PTPRN2: variants seen among roughly 807,000 people sequenced by gnomAD.
PTPRN2 encodes the protein receptor-type tyrosine-protein phosphatase N2.
A neutral mutation model predicts 118.8 loss-of-function variants in PTPRN2; 74 were observed. That is an observed-to-expected ratio of 0.62 (90% CI 0.52 to 0.76). The LOEUF is 0.76. Among genes scored for constraint, PTPRN2 ranks in the 30% least tolerant of loss-of-function variants. The pLI is 0.00. For synonymous variants in PTPRN2, 641 were observed against 608.0 expected (o/e 1.05, Z -0.80); for missense variants, 1,481 against 1,394.4 (o/e 1.06, Z -0.99).
chr7:157,835,533 C>T (rs945034703), intron 12 of PTPRN2, among the ~76,000 whole-genome samples: 2 of 152,124 alleles, frequency 1.3e-5, no homozygotes, highest in Admixed American at 6.5e-5. Context: ...GAAAGAGACT[C>T]GTCCTAAGGA....
chr7:158,062,176 C>T (rs1226279542), intron 11 of PTPRN2, among the ~76,000 whole-genome samples: 1 of 152,264 alleles, frequency 6.6e-6, no homozygotes, highest in East Asian at 1.9e-4. Context: ...CGCATCAGCT[C>T]ACAGCAGAGG....
At position 157,743,947 on chromosome 7, in the gene PTPRN2, C is replaced by A. The variant is rs561691121; in HGVS notation, c.1789-61010G>T. 3.3e-5 allele frequency among the ~76,000 whole-genome samples: 5 copies of A among 152,302 alleles called. No individual in the cohort carries two copies. The East Asian group carries it at 5.8e-4, about 18-fold the overall frequency. On this transcript the variant is annotated intron_variant, in intron 12 of 22. Transcript: ENST00000389418. ...CGCAGCTCCCTGTGTCCTCTTTGCACGTTGCATGTGTCGTGGTGGGAGCTG... is the reference window on the plus strand; with the variant it reads ...CGCAGCTCCCTGTGTCCTCTTTGCAAGTTGCATGTGTCGTGGTGGGAGCTG...
chr7:157,664,589 A>AC (rs1433970298), intron 13 of PTPRN2, among the ~76,000 whole-genome samples: 2 of 151,836 alleles, frequency 1.3e-5, no homozygotes, highest in Non-Finnish European at 2.9e-5. Context: ...ACATAGTGAG[A>AC]CCCCATCTCC....
rs1341964201 is a variant in PTPRN2 at position 157,868,258 on chromosome 7, C to A, written c.1788+30415G>T. ...ATCGAGGTGGTGGGCTGGGACTCGG[C>A]AAGCCCATCTGAACAGGGCTCTCTG... is the stretch of plus-strand genomic sequence containing the variant. On this transcript the variant is annotated intron_variant, in intron 12 of 22. Transcript: ENST00000389418. The surrounding 1 kb of genome is among the most constrained non-coding windows in gnomAD (Gnocchi z 5.2). Among the ~76,000 whole-genome samples, 7 of 152,194 alleles carry A rather than the reference C, an allele frequency of 4.6e-5. No individual in the cohort carries two copies.
At chr7:157,666,803 T>A (rs548069002) in intron 13 of PTPRN2, among the ~76,000 whole-genome samples, 3 of 148,164 alleles carry the variant, frequency 2.0e-5, no homozygotes, top group Admixed American at 2.0e-4. Context: ...TCGGCCCGTG[T>A]GACACTGATC....
chr7:157,951,906 G>T (rs1009472773), intron 11 of PTPRN2, among the ~76,000 whole-genome samples: 71 of 152,292 alleles, frequency 4.7e-4, no homozygotes, highest in African/African-American at 1.7e-3. Flanking sequence ...GGCCCCGCCT[G>T]TCTGGCCTGG....
At position 157,998,831 on chromosome 7, in the gene PTPRN2, A is replaced by C. The variant is rs371561739; in HGVS notation, c.1723+82467T>G. On this transcript the variant is annotated intron_variant, in intron 11 of 22. Coordinates refer to ENST00000389418, the MANE Select transcript of PTPRN2 (RefSeq NM_002847.5). ...ATACTCCATCTCAAAAAAAAAAAAA[A>C]AAAAAACTCTACTTCAAGTTGTAAT... Among the ~76,000 whole-genome samples the C allele has an allele frequency of 3.1e-3, 469 of 151,910 alleles. 3 individuals are homozygous for C. The highest frequency in any genetic ancestry group is 0.011 in the African/African-American group (448 of 41,392).
At chr7:158,177,446 A>G (rs1824314229) in intron 5 of PTPRN2, among the ~76,000 whole-genome samples, 2 of 152,118 alleles carry the variant, frequency 1.3e-5, no homozygotes, top group African/African-American at 4.8e-5. Flanking sequence ...CACTACTGAG[A>G]TATAATTGAC....
intron 1 of PTPRN2, among the ~76,000 whole-genome samples, chr7:158,504,682 C>T (rs1822618089): frequency 6.6e-6 from 1 of 152,220 alleles, no homozygotes; most frequent in Non-Finnish European, 1.5e-5. Context: ...ACTTATAACA[C>T]ATTGTGAACA....
Position 157,590,595 on chromosome 7 carries a change from G to A in PTPRN2, c.2496+4643C>T, listed in dbSNP as rs541095527. On this transcript the variant is annotated intron_variant, in intron 17 of 22. Coordinates refer to ENST00000389418, the MANE Select transcript of PTPRN2 (RefSeq NM_002847.5). This position sits in a 1 kb window ranked among gnomAD's most constrained non-coding sequence, Gnocchi z 4.0. Reference sequence around the variant, plus strand: ...TGACCCTCCGTGGATTTTCGTGCACGTTCTGGGCTCTGCTCAGGGACGCAG... The same window carrying A: ...TGACCCTCCGTGGATTTTCGTGCACATTCTGGGCTCTGCTCAGGGACGCAG... Among the ~76,000 whole-genome samples, 1 of 152,350 alleles carries A rather than the reference G, an allele frequency of 6.6e-6. No individual in the cohort carries two copies. Among genetic ancestry groups the A allele is most frequent in the South Asian group, 2.1e-4 (1 of 4,832 alleles).
intron 11 of PTPRN2, among the ~76,000 whole-genome samples, chr7:158,067,061 T>C (rs1810829627): frequency 6.6e-6 from 1 of 152,178 alleles, no homozygotes; most frequent in African/African-American, 2.4e-5. Context: ...ATTTCTCTTC[T>C]TACACCTGGC....
At chr7:157,933,737 AC>A in intron 11 of PTPRN2, among the ~76,000 whole-genome samples, 1 of 144,356 alleles carries the variant, frequency 6.9e-6, no homozygotes, top group South Asian at 2.3e-4. Context: ...ACCCTGATTG[AC>A]AGTTTTAGAG....
At chr7:157,989,486 T>C (rs1804077304) in intron 11 of PTPRN2, among the ~76,000 whole-genome samples, 1 of 147,538 alleles carries the variant, frequency 6.8e-6, no homozygotes, top group Non-Finnish European at 1.5e-5. Context: ...GGGGTAAGAC[T>C]CAGAGGGCAG....
chr7:157,800,179 C>A (rs1280854745), intron 12 of PTPRN2, among the ~76,000 whole-genome samples: 1 of 151,544 alleles, frequency 6.6e-6, no homozygotes, highest in Non-Finnish European at 1.5e-5. Context: ...CACAGATGCC[C>A]TCCTCCATCC....
At chr7:157,932,056 C>T (rs942904944) in intron 11 of PTPRN2, among the ~76,000 whole-genome samples, 1 of 152,206 alleles carries the variant, frequency 6.6e-6, no homozygotes, top group African/African-American at 2.4e-5. Flanking sequence ...GCTTTACTCT[C>T]ACCTGCAAAA....
At chr7:158,325,415 G>C (rs984578705) in intron 2 of PTPRN2, among the ~76,000 whole-genome samples, 1 of 152,034 alleles carries the variant, frequency 6.6e-6, no homozygotes, top group Non-Finnish European at 1.5e-5. Context: ...AACAGGACTT[G>C]GGAATTAATG....
intron 12 of PTPRN2, among the ~76,000 whole-genome samples, chr7:157,717,847 T>C (rs968525780): frequency 1.3e-5 from 2 of 152,276 alleles, no homozygotes; most frequent in African/African-American, 4.8e-5. Context: ...GCAGCTGGGC[T>C]CTTTACTACG....
intron 3 of PTPRN2, among the ~76,000 whole-genome samples, chr7:158,279,593 A>G (rs918577453): frequency 2.6e-5 from 4 of 152,202 alleles, no homozygotes; most frequent in African/African-American, 4.8e-5. Flanking sequence ...CCAGCCTCCA[A>G]TCAAGCCCAG....
At chr7:158,586,977 G>A (rs1828970881) in intron 1 of PTPRN2, among the ~76,000 whole-genome samples, 1 of 152,102 alleles carries the variant, frequency 6.6e-6, no homozygotes, top group African/African-American at 2.4e-5. Context: ...CTGAGGCAGG[G>A]GCGCGAGACC....
Sources: allele counts gnomAD v4.1 joint callset (sites outside exome capture counted in the v4.1 genomes callset), GRCh38; gene constraint gnomAD v4.1.1; non-coding constraint Gnocchi (gnomAD v3.1); transcripts MANE v1.5; gene names NCBI Gene and HGNC (gene_info 2026-07-23, HGNC 2026-07-21).